STXBP6: variants seen among roughly 807,000 people sequenced by gnomAD.
STXBP6 encodes the protein syntaxin binding protein 6.
In STXBP6, 21 loss-of-function variants were observed where a neutral mutation model predicts 26.9. The observed-to-expected ratio is 0.78, with a 90% CI of 0.55 to 1.12. The LOEUF (loss-of-function observed/expected upper bound fraction) is 1.12. STXBP6 is among the 50% of genes most tolerant of loss of function. The probability of loss-of-function intolerance (pLI) is 0.00; values close to 1 mark genes in which losing one functional copy is unlikely to be tolerated. For synonymous variants in STXBP6, 97 were observed against 92.6 expected, an observed-to-expected ratio of 1.05 and a Z score of -0.27; for missense variants, 232 against 257.9, an observed-to-expected ratio of 0.90 and a Z score of 0.69.
At chr14:24,868,517 C>T (rs1043769530) in intron 2 of STXBP6, among the ~76,000 whole-genome samples, 1 of 152,220 alleles carries the variant, frequency 6.6e-6, no homozygotes, top group East Asian at 1.9e-4. Context: ...ACCCAAATGT[C>T]CCTCAGCAGG....
chr14:24,962,928 G>A (rs117407027), intron 2 of STXBP6, among the ~76,000 whole-genome samples: 2,473 of 150,722 alleles, frequency 0.016, 28 homozygotes, highest in Middle Eastern at 0.035. Flanking sequence ...ATCAAATATT[G>A]TATGGTACTC....
At chr14:24,865,625 G>C (rs888045653) in intron 2 of STXBP6, among the ~76,000 whole-genome samples, 4 of 152,136 alleles carry the variant, frequency 2.6e-5, no homozygotes, top group African/African-American at 9.7e-5. Context: ...ACAGGGCTGG[G>C]AATAGTGCCT....
chr14:24,942,537 C>T (rs1471021960), intron 2 of STXBP6, among the ~76,000 whole-genome samples: 3 of 152,168 alleles, frequency 2.0e-5, no homozygotes, highest in Non-Finnish European at 2.9e-5. Context: ...GAAAACTCAT[C>T]GTGATGCATG....
chr14:24,842,410 A>T (rs888965789), intron 4 of STXBP6, among the ~76,000 whole-genome samples: 2 of 152,078 alleles, frequency 1.3e-5, no homozygotes, highest in Non-Finnish European at 1.5e-5. Flanking sequence ...TAATCCTAAT[A>T]ATTGCTTTGT....
chr14:24,947,699 T>G (rs1452035652), intron 2 of STXBP6, among the ~76,000 whole-genome samples: 3 of 152,158 alleles, frequency 2.0e-5, no homozygotes, highest in Admixed American at 1.3e-4. Flanking sequence ...TGGCAGTGAT[T>G]GGATAAGAAT....
chr14:24,859,555 G>T (rs1289850453), intron 2 of STXBP6, among the ~76,000 whole-genome samples: 4 of 152,040 alleles, frequency 2.6e-5, no homozygotes, highest in Non-Finnish European at 5.9e-5. Context: ...GTTGTTTTGG[G>T]AGTCAGTAGC....
At chr14:24,909,195 T>A (rs1248316182) in intron 2 of STXBP6, among the ~76,000 whole-genome samples, 2 of 152,218 alleles carry the variant, frequency 1.3e-5, no homozygotes, top group East Asian at 3.8e-4. Flanking sequence ...TGCTACACAT[T>A]GGCACATAAG....
chr14:24,948,727 A>G (rs1243437220), intron 2 of STXBP6, among the ~76,000 whole-genome samples: 2 of 152,196 alleles, frequency 1.3e-5, no homozygotes, highest in African/African-American at 4.8e-5. Context: ...CCTTAACAAC[A>G]CTTTCAAAAA....
intron 2 of STXBP6, among the ~76,000 whole-genome samples, chr14:24,882,814 G>A (rs534641739): frequency 3.9e-5 from 6 of 152,166 alleles, no homozygotes; most frequent in Admixed American, 3.3e-4. Context: ...TACATAATCA[G>A]CTCCACTTGA....
intron 1 of STXBP6, among the ~76,000 whole-genome samples, chr14:25,006,502 C>G (rs1391453082): frequency 6.6e-6 from 1 of 152,184 alleles, no homozygotes. Context: ...GGAACCCTCA[C>G]ATAAACATGG....
intron 2 of STXBP6, among the ~76,000 whole-genome samples, chr14:24,930,366 A>G (rs778723403): frequency 1.6e-4 from 25 of 152,220 alleles, no homozygotes; most frequent in Non-Finnish European, 3.1e-4. Context: ...TTCACCACAC[A>G]TTTTTGTGAT....
intron 2 of STXBP6, among the ~76,000 whole-genome samples, chr14:24,942,987 C>T (rs1359123101): frequency 6.6e-6 from 1 of 152,192 alleles, no homozygotes; most frequent in Non-Finnish European, 1.5e-5. Flanking sequence ...CCTTTCAAAT[C>T]TGAAATCAGT....
intron 4 of STXBP6, among the ~76,000 whole-genome samples, chr14:24,848,983 T>C (rs937183355): frequency 2.6e-5 from 4 of 152,118 alleles, no homozygotes; most frequent in East Asian, 1.9e-4. Context: ...ATGTCCCTAA[T>C]AGTGCTCAGC....
intron 1 of STXBP6, among the ~76,000 whole-genome samples, chr14:25,009,190 G>A (rs767286084): frequency 2.6e-5 from 4 of 152,120 alleles, no homozygotes; most frequent in African/African-American, 4.8e-5. Context: ...GTCAAGTTAA[G>A]GACGTCTTAA....
intron 2 of STXBP6, among the ~76,000 whole-genome samples, chr14:24,889,761 A>C (rs933218645): frequency 1.2e-4 from 18 of 152,202 alleles, no homozygotes; most frequent in Non-Finnish European, 8.8e-5. Flanking sequence ...TAGAAGAATC[A>C]ATCCAGGAGA....
chr14:25,000,983 G>A (rs966632882), intron 1 of STXBP6, among the ~76,000 whole-genome samples: 5 of 151,938 alleles, frequency 3.3e-5, no homozygotes, highest in Non-Finnish European at 7.4e-5. Flanking sequence ...GCTTGTTCAC[G>A]ATAAATAAAC....
chr14:24,901,512 C>G (rs1412367016), intron 2 of STXBP6, among the ~76,000 whole-genome samples: 2 of 152,178 alleles, frequency 1.3e-5, no homozygotes, highest in African/African-American at 2.4e-5. Context: ...CAATTCTACT[C>G]TGATCTGTGT....
chr14:24,916,850 G>A (rs1435038809), intron 2 of STXBP6, among the ~76,000 whole-genome samples: 2 of 152,080 alleles, frequency 1.3e-5, no homozygotes, highest in African/African-American at 4.8e-5. Flanking sequence ...TGATCTACAT[G>A]CACATTCAAG....
At chr14:24,899,780 CAAAAAAAAAAA>C (rs58367371) in intron 2 of STXBP6, among the ~76,000 whole-genome samples, 2 of 46,876 alleles carry the variant, frequency 4.3e-5, no homozygotes, top group Non-Finnish European at 7.7e-5. Flanking sequence ...GACTACATTT[CAAAAAAAAAAA>C]AAAAAAAAGC....
Sources: allele counts gnomAD v4.1 joint callset (sites outside exome capture counted in the v4.1 genomes callset), GRCh38; gene constraint gnomAD v4.1.1; transcripts MANE v1.5; gene names NCBI Gene and HGNC (gene_info 2026-07-23, HGNC 2026-07-21).